Variants in CACNA1G observed in about 807,000 individuals in gnomAD.
The protein encoded by CACNA1G is voltage-dependent T-type calcium channel subunit alpha-1G.
In CACNA1G, 67 loss-of-function variants were observed where a neutral mutation model predicts 219.4. The ratio of observed to expected loss-of-function variants is 0.31; its 90% CI spans 0.25 to 0.37. The LOEUF (loss-of-function observed/expected upper bound fraction) is 0.37. Ranked by LOEUF, CACNA1G falls within the 10% of genes least tolerant of loss-of-function variation. The probability of loss-of-function intolerance (pLI) is 1.00; values close to 1 mark genes in which losing one functional copy is unlikely to be tolerated. For missense variants in CACNA1G, 2,380 were observed against 3,231.4 expected, an observed-to-expected ratio of 0.74 and a Z score of 6.39; for synonymous variants, 1,296 against 1,345.3, an observed-to-expected ratio of 0.96 and a Z score of 0.80.
In CACNA1G at chr17:50,569,212, G is replaced by A; in HGVS notation, c.402G>A (p.Val134=). ...CCTTCTTTGCCGTGGAGATGGTGGT[G>A]AAGATGGTGGCCTTGGGCATCTTTG... The part of the protein sequence containing the change: ...IFAFFAVEMV[V]KMVALGIFGK... The change falls in exon 3 of 38, where the codon GTG becomes GTA. Residue 134 remains valine, a synonymous_variant. Coordinates refer to ENST00000359106, the MANE Select transcript of CACNA1G (RefSeq NM_018896.5). 1 of 1,613,940 alleles carries A rather than the reference G, an allele frequency of 6.2e-7. No individual in the cohort carries two copies.
At chr17:50,619,662 C>T (rs765414481) in intron 33 of CACNA1G, 21 bp from the exon 34 acceptor site, 2 of 1,604,148 alleles carry the variant, frequency 1.2e-6, no homozygotes, top group Non-Finnish European at 8.5e-7. Context: ...CTCCGGCTCC[C>T]CTTACGGGCT....
intron 1 of CACNA1G, among the ~76,000 whole-genome samples, chr17:50,568,272 G>A (rs1322787231): frequency 6.6e-6 from 1 of 152,144 alleles, no homozygotes; most frequent in Admixed American, 6.5e-5. Context: ...GGAAACCACC[G>A]TCTCATCCTG....
intron 34 of CACNA1G, among the ~76,000 whole-genome samples, chr17:50,620,654 G>A (rs887807144): frequency 2.0e-5 from 3 of 152,190 alleles, no homozygotes; most frequent in Non-Finnish European, 4.4e-5. Context: ...TAGAAAAGCC[G>A]AGTCCTCCAG....
chr17:50,571,445 G>C lies in CACNA1G; in HGVS notation c.587-433G>C, dbSNP rs2039426288. ...GTGCGTGTGAATGTGTGCGGGTGTG[G>C]GTGTGTGTTGGAGAGGGATTCGGAA... On this transcript the variant is annotated intron_variant, in intron 4 of 37. Coordinates refer to ENST00000359106, the MANE Select transcript of CACNA1G (RefSeq NM_018896.5). This position sits in a 1 kb window ranked among gnomAD's most constrained non-coding sequence, Gnocchi z 4.3. Among the ~76,000 whole-genome samples the C allele has an allele frequency of 6.6e-6, 1 of 152,124 alleles. No homozygotes were observed. Among genetic ancestry groups the C allele is most frequent in the Non-Finnish European group, 1.5e-5 (1 of 68,016 alleles).
chr17:50,606,647 G>A (rs150475512), intron 23 of CACNA1G, among the ~76,000 whole-genome samples: 359 of 152,294 alleles, frequency 2.4e-3, no homozygotes, highest in African/African-American at 8.3e-3. Flanking sequence ...TGGATTTCCA[G>A]GGTTTTTGTG....
At position 50,616,400 on chromosome 17, in the gene CACNA1G, G is replaced by A. The variant is rs1339823274; in HGVS notation, c.5021+16G>A. On this transcript the variant is annotated intron_variant, in intron 28 of 37. Transcript: ENST00000359106. ...TCCAGGACAGGTAACGGAGAAAAGG[G>A]GGGTCTTGGGGACTTGCGTAGAGAT... 4 of 1,447,042 alleles carry A rather than the reference G, an allele frequency of 2.8e-6. No individual in the cohort carries two copies. The highest frequency in any genetic ancestry group is 3.9e-6 in the Non-Finnish European group (4 of 1,028,856). 89.6% of individuals were successfully genotyped at this position (1,447,042 alleles called of 1,614,324 possible).
chr17:50,619,644 C>G, intron 33 of CACNA1G, 39 bp from the exon 34 acceptor site: 2 of 1,589,894 alleles, frequency 1.3e-6, no homozygotes, highest in Non-Finnish European at 1.7e-6. Flanking sequence ...ACCCCTGCTC[C>G]CCTGCCTCTC....
At chr17:50,615,596 G>A in intron 27 of CACNA1G, 84 bp downstream of exon 27, 4 of 1,476,002 alleles carry the variant, frequency 2.7e-6, no homozygotes, top group Non-Finnish European at 3.7e-6. Flanking sequence ...CTGAGCCAGG[G>A]TACCTCTGTG....
chr17:50,580,266 TGG>T (rs1568016723), intron 9 of CACNA1G, among the ~76,000 whole-genome samples: 1 of 152,216 alleles, frequency 6.6e-6, no homozygotes, highest in African/African-American at 2.4e-5. Flanking sequence ...TTGGTGGCAG[TGG>T]GGGGTGGGCA....
At position 50,575,857 on chromosome 17, in the gene CACNA1G, C is replaced by T. The variant is rs987297580; in HGVS notation, c.1455C>T (p.Ser485=). 2 of 1,549,944 alleles carry T rather than the reference C, an allele frequency of 1.3e-6. No homozygotes were observed. Among genetic ancestry groups the T allele is most frequent in the East Asian group, 2.4e-5 (1 of 41,074 alleles). The change falls in exon 8 of 38, where the codon TCC becomes TCT. Residue 485 remains serine, a synonymous_variant. Transcript: ENST00000359106. Reference sequence around the variant, plus strand: ...AGCCCAGCAGCAGCTGCTCTCGCTCCCACCGCCGCCTATCCGTCCACCACC... The same window carrying T: ...AGCCCAGCAGCAGCTGCTCTCGCTCTCACCGCCGCCTATCCGTCCACCACC... ...ETQPSSSCSR[S]HRRLSVHHLV... is the part of the protein sequence containing the mutation.
rs369596277 is a variant in CACNA1G at position 50,606,957 on chromosome 17, G to C, written c.4480G>C (p.Asp1494His). Residue 1494 changes from aspartate (D) to histidine (H), a missense_variant, in exon 24 of 38, where the codon GAT (aspartate) becomes CAT (histidine). By Grantham distance (81) the Asp-to-His change is moderately conservative. Around this residue, in one of 17 missense-constraint regions of CACNA1G, gnomAD observed 153 missense variants for 374.9 expected, o/e 0.41. Transcript: ENST00000359106. ...SKDGWVDIMY[D>H]GLDAVGVDQQ... ...GGATGGTTGGGTGGACATCATGTACGATGGGCTGGATGCTGTGGGCGTGGA... is the reference window on the plus strand; with the variant it reads ...GGATGGTTGGGTGGACATCATGTACCATGGGCTGGATGCTGTGGGCGTGGA... 6.2e-7 allele frequency: 1 copy of C among 1,613,840 alleles called. No homozygotes were observed. The highest frequency in any genetic ancestry group is 1.3e-5 in the African/African-American group (1 of 74,912).
intron 22 of CACNA1G, among the ~76,000 whole-genome samples, chr17:50,604,835 G>A (rs547620878): frequency 5.9e-5 from 9 of 152,300 alleles, no homozygotes; most frequent in Non-Finnish European, 1.3e-4. Flanking sequence ...GGGGGCCGGG[G>A]AGCCCCTCCA....
intron 10 of CACNA1G, among the ~76,000 whole-genome samples, chr17:50,590,978 C>T (rs758056239): frequency 6.6e-6 from 1 of 152,160 alleles, no homozygotes; most frequent in Non-Finnish European, 1.5e-5. Flanking sequence ...GAGGCCCAGC[C>T]AGCTGCCCGG....
chr17:50,564,423 G>A (rs1002330065), intron 1 of CACNA1G, among the ~76,000 whole-genome samples: 62 of 144,936 alleles, frequency 4.3e-4, no homozygotes, highest in Non-Finnish European at 3.3e-4. Flanking sequence ...TTCTCATTTG[G>A]AAATCACAGG....
rs1336918147 is a variant in CACNA1G, at chr17:50,605,933, G to A, written c.4332G>A (p.Glu1444=). ...GGAAGTTTTTCGTGTGCCAGGGCGA[G>A]GATACCAGGAACATCACCAATAAAT... ...FKGKFFVCQG[E]DTRNITNKSD... Residue 1444 remains glutamate, a synonymous_variant, in exon 23 of 38, where the codon GAG becomes GAA. Transcript: ENST00000359106. The A allele has an allele frequency of 6.2e-7, 1 of 1,613,576 alleles. No individual in the cohort carries two copies.
intron 1 of CACNA1G, among the ~76,000 whole-genome samples, chr17:50,567,352 G>A (rs954087809): frequency 2.6e-5 from 4 of 152,162 alleles, no homozygotes; most frequent in African/African-American, 9.7e-5. Context: ...GTCTAGGGGA[G>A]AAGGGCCTGG....
At chr17:50,572,893 C>T in intron 6 of CACNA1G, 39 bp downstream of exon 6, 2 of 1,598,624 alleles carry the variant, frequency 1.3e-6, no homozygotes, top group Non-Finnish European at 8.5e-7. Context: ...CCCAGAACAC[C>T]AGCCCCAGGA....
chr17:50,607,293 C>T (rs1435654181), intron 24 of CACNA1G: 4 of 412,054 alleles, frequency 9.7e-6, no homozygotes, highest in African/African-American at 6.1e-5. Flanking sequence ...CACTTGAGGC[C>T]AGGAGTTGGA....
At chr17:50,572,902 G>C (rs769274321) in intron 6 of CACNA1G, 48 bp downstream of exon 6, 19 of 1,594,504 alleles carry the variant, frequency 1.2e-5, no homozygotes, top group Non-Finnish European at 1.5e-5. Context: ...CCAGCCCCAG[G>C]ACACAGCCCA....
Sources: gnomAD v4.1 joint callset for allele counts (sites outside exome capture counted in the v4.1 genomes callset) on GRCh38, gnomAD v4.1.1 for gene constraint, gnomAD v4.1.1 regional missense constraint, Gnocchi (gnomAD v3.1) non-coding constraint, MANE v1.5 for transcripts, NCBI Gene and HGNC (gene_info 2026-07-23, HGNC 2026-07-21) for gene names.